ASTN2: variants seen among roughly 807,000 people sequenced by gnomAD.
ASTN2 encodes astrotactin 2.
In ASTN2, 54 loss-of-function variants were observed where a neutral mutation model predicts 139.8. The ratio of observed to expected loss-of-function variants is 0.39; its 90% CI spans 0.31 to 0.48. The LOEUF is 0.48. ASTN2 is among the 20% of genes least tolerant of loss of function. The pLI is 0.95. For missense variants in ASTN2, 1,565 were observed against 1,725.1 expected (o/e 0.91, Z 1.64); for synonymous variants, 756 against 719.5 (o/e 1.05, Z -0.81).
At chr9:116,865,464 G>T in intron 10 of ASTN2, among the ~76,000 whole-genome samples, 2 of 134,886 alleles carry the variant, frequency 1.5e-5, no homozygotes, top group Non-Finnish European at 3.1e-5. Flanking sequence ...AAAGGCAAGC[G>T]AAGAAGGCAG....
chr9:116,609,746 A>G (rs565889239), intron 19 of ASTN2, among the ~76,000 whole-genome samples: 7 of 152,182 alleles, frequency 4.6e-5, no homozygotes, highest in African/African-American at 1.7e-4. Flanking sequence ...AATTAAGAAA[A>G]AACAATAAAG....
At chr9:116,820,183 A>G (rs750180277) in intron 12 of ASTN2, among the ~76,000 whole-genome samples, 4 of 150,666 alleles carry the variant, frequency 2.7e-5, no homozygotes, top group Non-Finnish European at 4.4e-5. Context: ...ACATTGCTAC[A>G]TTCCTGCTGA....
intron 16 of ASTN2, among the ~76,000 whole-genome samples, chr9:116,710,156 C>A (rs1468026518): frequency 6.6e-6 from 1 of 152,118 alleles, no homozygotes; most frequent in African/African-American, 2.4e-5. Flanking sequence ...ATATGAGAAC[C>A]TCCCCAACCT....
chr9:117,002,150 G>C (rs1837209902), intron 7 of ASTN2, among the ~76,000 whole-genome samples: 1 of 152,176 alleles, frequency 6.6e-6, no homozygotes, highest in Non-Finnish European at 1.5e-5. Flanking sequence ...GCGGTGGAAA[G>C]AATATAGGAA....
intron 16 of ASTN2, among the ~76,000 whole-genome samples, chr9:116,691,153 C>A (rs1226462887): frequency 6.6e-6 from 1 of 152,140 alleles, no homozygotes; most frequent in African/African-American, 2.4e-5. Flanking sequence ...ATTTTGATAA[C>A]CCTAAGTAGT....
chr9:117,128,371 C>CAAAAAA (rs1167187783), intron 4 of ASTN2, among the ~76,000 whole-genome samples: 9 of 66,414 alleles, frequency 1.4e-4, no homozygotes, highest in East Asian at 1.1e-3. Flanking sequence ...GACACTGTCT[C>CAAAAAA]AAAAAAAAAA....
At chr9:117,362,999 A>G (rs535703719) in intron 1 of ASTN2, among the ~76,000 whole-genome samples, 1 of 152,190 alleles carries the variant, frequency 6.6e-6, no homozygotes, top group South Asian at 2.1e-4. Context: ...ATTAGTTTCA[A>G]TATCCAAACC....
At chr9:116,668,195 C>CTT (rs35261157) in intron 16 of ASTN2, among the ~76,000 whole-genome samples, 5 of 137,486 alleles carry the variant, frequency 3.6e-5, no homozygotes, top group East Asian at 2.1e-4. Context: ...TTCAGATTGG[C>CTT]TTTTTTTTTT....
chr9:116,840,274 C>T (rs1832171145), intron 11 of ASTN2, among the ~76,000 whole-genome samples: 1 of 150,552 alleles, frequency 6.6e-6, no homozygotes, highest in African/African-American at 2.5e-5. Context: ...CCATGTCTAC[C>T]TCTTTCTACA....
At chr9:117,263,523 G>T (rs1375262600) in intron 2 of ASTN2, among the ~76,000 whole-genome samples, 1 of 152,048 alleles carries the variant, frequency 6.6e-6, no homozygotes, top group Non-Finnish European at 1.5e-5. Context: ...TTTAAAAATA[G>T]AACTGGAATT....
chr9:117,287,893 A>G (rs955397058), intron 2 of ASTN2, among the ~76,000 whole-genome samples: 1 of 152,106 alleles, frequency 6.6e-6, no homozygotes, highest in Admixed American at 6.5e-5. Flanking sequence ...TCTTTTCAAT[A>G]ATTTTTCTCC....
intron 2 of ASTN2, among the ~76,000 whole-genome samples, chr9:117,267,768 T>G (rs1833968769): frequency 6.6e-6 from 1 of 152,188 alleles, no homozygotes; most frequent in South Asian, 2.1e-4. Flanking sequence ...AGGGCGCAGT[T>G]TCTCCAACAG....
intron 5 of ASTN2, among the ~76,000 whole-genome samples, chr9:117,043,941 G>GA (rs1372803330): frequency 6.7e-6 from 1 of 148,442 alleles, no homozygotes; most frequent in Admixed American, 6.7e-5. Context: ...AAAGAAAAAA[G>GA]AAAAAACAAA....
chr9:117,312,197 A>T (rs1240009549), intron 1 of ASTN2, among the ~76,000 whole-genome samples: 6 of 152,160 alleles, frequency 3.9e-5, no homozygotes, highest in Admixed American at 3.9e-4. Context: ...ATTCAGGAAA[A>T]TTTTTCCAAA....
rs932920194 is a variant in ASTN2, at chr9:116,975,406, G to C, written c.1752-61C>G. On this transcript the variant is annotated intron_variant, in intron 9 of 22. Coordinates refer to ENST00000313400, the MANE Select transcript of ASTN2 (RefSeq NM_001365068.1). The stretch of plus-strand genomic sequence containing the variant: ...GGAAGCAGAGAGCAAACAGAAAAAA[G>C]GGGCCCCTGTTCCCATCCCTTCTAG... 4.0e-6 allele frequency: 6 copies of C among 1,499,956 alleles called. No individual in the cohort carries two copies. The African/African-American group carries it at 4.2e-5, about 11-fold the overall frequency. The allele number at this position is 1,499,956 out of a possible 1,614,324, so 92.9% of individuals were successfully genotyped here.
intron 19 of ASTN2, among the ~76,000 whole-genome samples, chr9:116,523,458 A>G (rs1312696591): frequency 2.0e-5 from 3 of 152,174 alleles, no homozygotes; most frequent in African/African-American, 7.2e-5. Flanking sequence ...CTGACCTGGT[A>G]TAGAAAAAAG....
At chr9:116,616,294 A>G (rs1367288567) in intron 19 of ASTN2, among the ~76,000 whole-genome samples, 4 of 152,220 alleles carry the variant, frequency 2.6e-5, no homozygotes, top group Admixed American at 6.5e-5. Flanking sequence ...GATATAGAAG[A>G]GGTACTCCAA....
At chr9:116,676,733 G>T (rs1288448900) in intron 16 of ASTN2, among the ~76,000 whole-genome samples, 4 of 152,220 alleles carry the variant, frequency 2.6e-5, no homozygotes, top group African/African-American at 9.6e-5. Flanking sequence ...GTACAGCTCA[G>T]TAGCCAAGGC....
chr9:117,160,535 G>A (rs540469938), intron 3 of ASTN2, among the ~76,000 whole-genome samples: 179 of 152,126 alleles, frequency 1.2e-3, no homozygotes, highest in African/African-American at 3.9e-3. Context: ...GTATGCTCAT[G>A]TCCTATCAAC....
Sources: allele counts gnomAD v4.1 joint callset (sites outside exome capture counted in the v4.1 genomes callset), GRCh38; gene constraint gnomAD v4.1.1; transcripts MANE v1.5; gene names NCBI Gene and HGNC (gene_info 2026-07-23, HGNC 2026-07-21).